NTRK1: variants seen among roughly 807,000 people sequenced by gnomAD.
NTRK1 encodes the protein high affinity nerve growth factor receptor.
In NTRK1, 62 loss-of-function variants were observed where a neutral mutation model predicts 86.8. That is an observed-to-expected ratio of 0.71 (90% CI 0.58 to 0.88). The LOEUF (loss-of-function observed/expected upper bound fraction) is 0.88. Among genes scored for constraint, NTRK1 ranks in the 40% least tolerant of loss-of-function variants. The pLI is 0.00. For synonymous variants in NTRK1, 469 were observed against 456.6 expected, an observed-to-expected ratio of 1.03 and a Z score of -0.35; for missense variants, 967 against 1,078.4, an observed-to-expected ratio of 0.90 and a Z score of 1.45.
chr1:156,848,770 G>A, intron 2 of NTRK1: 2 of 883,228 alleles, frequency 2.3e-6, no homozygotes, highest in Non-Finnish European at 3.4e-6. Context: ...AAGAGAGCCA[G>A]ACCTGGGCCC....
At chr1:156,849,015 C>A in intron 2 of NTRK1, 4 of 1,613,456 alleles carry the variant, frequency 2.5e-6, no homozygotes, top group Non-Finnish European at 3.4e-6. Flanking sequence ...GCCTCCGTCA[C>A]GTTGGACACG....
intron 3 of NTRK1, among the ~76,000 whole-genome samples, chr1:156,865,700 G>C (rs1655898739): frequency 6.6e-6 from 1 of 152,192 alleles, no homozygotes; most frequent in African/African-American, 2.4e-5. Flanking sequence ...CTGTAGGACA[G>C]AGAGGGTCAT....
chr1:156,815,827 C>T (rs767306706), exon 1 of NTRK1: 17 of 1,614,030 alleles, frequency 1.1e-5, no homozygotes, highest in Middle Eastern at 1.6e-4. Context: ...GGCAACTCGG[C>T]GCATGAAGGA....
chr1:156,879,178 C>T lies in NTRK1; in HGVS notation c.1862C>T (p.Pro621Leu), dbSNP rs2102924340. 6.2e-7 allele frequency: 1 copy of T among 1,613,198 alleles called. No homozygotes were observed. The highest frequency in any genetic ancestry group is 1.7e-5 in the Admixed American group (1 of 60,008). The stretch of plus-strand genomic sequence containing the variant: ...GGTGGGGAGGATGTGGCTCCAGGCC[C>T]CCTGGGTCTGGGGCAGCTGCTGGCC... ...LAGGEDVAPGPLGLGQLLAVA... is the reference protein window; with the variant it reads ...LAGGEDVAPGLLGLGQLLAVA... Residue 621 changes from proline (P) to leucine (L), a missense_variant, in exon 15 of 17, where the codon CCC becomes CTC. Pro to Leu is a moderately conservative substitution (Grantham distance 98). This residue lies in a region of NTRK1 where 637 missense variants were observed against 776.5 expected (regional missense o/e 0.82). Coordinates refer to ENST00000524377, the MANE Select transcript of NTRK1 (RefSeq NM_002529.4).
chr1:156,860,965 GGCTGGCACA>G lies in NTRK1; in HGVS notation c.37_45del (p.His13_Trp15del). On this transcript the variant is annotated inframe_deletion, in exon 1 of 17. Coordinates refer to ENST00000524377, the MANE Select transcript of NTRK1 (RefSeq NM_002529.4). Reference sequence around the variant, plus strand: ...GCGAGGCGGACGGCGCGGGCAGCTTGGCTGGCACAGCTGGGCTGCGGGGCCGGGCAGCCT... The same window carrying G: ...GCGAGGCGGACGGCGCGGGCAGCTTGGCTGGGCTGCGGGGCCGGGCAGCCT... 1 of 1,513,790 alleles carries G rather than the reference GGCTGGCACA, an allele frequency of 6.6e-7. No individual in the cohort carries two copies. Among genetic ancestry groups the G allele is most frequent in the Non-Finnish European group, 8.8e-7 (1 of 1,138,718 alleles). The allele number at this position is 1,513,790 out of a possible 1,614,324, so 93.8% of individuals were successfully genotyped here. A position where few individuals can be genotyped will look rare whatever the true frequency, so the allele number is the denominator to read the frequency against.
rs200179263 is a variant in NTRK1 at position 156,848,987 on chromosome 1, C to T, written c.50+6794C>T. ...CTCCAGTGGCTCATAGCGCTCCCAG[C>T]GTAGCAGGATGCGGTCTGCCTCCGT... On this transcript the variant is annotated intron_variant, in intron 2 of 16. Coordinates refer to the NTRK1 transcript ENST00000392302. 5 of 1,611,594 alleles carry T rather than the reference C, an allele frequency of 3.1e-6. No individual in the cohort carries two copies. The East Asian group carries it at 1.1e-4, about 36-fold the overall frequency.
At chr1:156,844,570 G>A in intron 2 of NTRK1, 1 of 1,614,198 alleles carries the variant, frequency 6.2e-7, no homozygotes, top group Non-Finnish European at 8.5e-7. Flanking sequence ...AGGGCCAGGT[G>A]GACTCCCCCA....
chr1:156,852,829 A>G (rs941568527), intron 2 of NTRK1, among the ~76,000 whole-genome samples: 16 of 152,142 alleles, frequency 1.1e-4, no homozygotes, highest in African/African-American at 3.9e-4. Flanking sequence ...AGCTGTGTTT[A>G]CAGCCAACAG....
At chr1:156,847,418 G>C (rs999028216) in intron 2 of NTRK1, among the ~76,000 whole-genome samples, 1 of 152,222 alleles carries the variant, frequency 6.6e-6, no homozygotes, top group Non-Finnish European at 1.5e-5. Flanking sequence ...GTAGAAGAGG[G>C]CTCCCTGGGG....
chr1:156,876,286 G>A (rs1385471343), intron 13 of NTRK1, 76 bp downstream of exon 13: 2 of 1,611,440 alleles, frequency 1.2e-6, no homozygotes, highest in Non-Finnish European at 1.7e-6. Flanking sequence ...GACAGAGTGG[G>A]GGGAGATGCA....
chr1:156,844,707 C>CGG (rs1654926893), intron 2 of NTRK1: 1 of 1,613,994 alleles, frequency 6.2e-7, no homozygotes, highest in Non-Finnish European at 8.5e-7. Context: ...GGGCACCTAC[C>CGG]TCTCCCAAGC....
At chr1:156,828,232 G>T (rs1334284072) in intron 1 of NTRK1, among the ~76,000 whole-genome samples, 2 of 152,196 alleles carry the variant, frequency 1.3e-5, no homozygotes, top group African/African-American at 4.8e-5. Flanking sequence ...TCAAAGATCA[G>T]CTGATTTACT....
At chr1:156,815,916 TG>T in intron 1 of NTRK1, 1 of 1,610,302 alleles carries the variant, frequency 6.2e-7, no homozygotes, top group Non-Finnish European at 8.5e-7. Flanking sequence ...TCTCTTGGAG[TG>T]GCCTTTGTCC....
In NTRK1 at chr1:156,874,195, G is replaced by A. The variant is rs1647751553; in HGVS notation, c.1178-188G>A. On this transcript the variant is annotated intron_variant, in intron 8 of 16. Coordinates refer to ENST00000524377, the MANE Select transcript of NTRK1 (RefSeq NM_002529.4). ...GCTGAGGAGACAGCCATGCAGCAGG[G>A]CATCCTGGCCCAGCTGGAAAAGGGT... 4 of 985,002 alleles carry A rather than the reference G, an allele frequency of 4.1e-6. No homozygotes were observed. In the South Asian group the frequency reaches 4.1e-5, roughly 10 times the overall value. The allele number at this position is 985,002 out of a possible 1,614,324, so 61.0% of individuals were successfully genotyped here. A position where few individuals can be genotyped will look rare whatever the true frequency, so the allele number is the denominator to read the frequency against.
At position 156,868,222 on chromosome 1, in the gene NTRK1, C is replaced by G. The variant is rs563804525; in HGVS notation, c.547C>G (p.Leu183Val). ...GCTGCAGTGTCATGGGCAAGGGCCC[C>G]TGGCCCACATGCCCAATGCCAGCTG... is the stretch of plus-strand genomic sequence containing the variant. ...QKLQCHGQGP[L>V]AHMPNASCGV... Residue 183 changes from leucine (L) to valine (V), a missense_variant, in exon 5 of 17, where the codon CTG becomes GTG. Around this residue, in one of 2 missense-constraint regions of NTRK1, gnomAD observed 330 missense variants for 302.0 expected, o/e 1.09. Coordinates refer to ENST00000524377, the MANE Select transcript of NTRK1 (RefSeq NM_002529.4). The G allele has an allele frequency of 3.7e-6, 6 of 1,611,916 alleles. No individual in the cohort carries two copies. In the South Asian group the frequency reaches 6.6e-5, roughly 18 times the overall value.
rs142014665 is a variant in NTRK1, at chr1:156,855,176, T to TTATCTATCTATCTATCTATCTATCTATC, written c.51-9170_51-9143dup. On this transcript the variant is annotated intron_variant, in intron 2 of 16. Transcript: ENST00000392302. ...TGAGGCCTTCTCTGACCATCCAATT[T>TTATCTATCTATCTATCTATCTATCTATC]TATCTATCTATCTATCTATCTATCT... Among the ~76,000 whole-genome samples the TTATCTATCTATCTATCTATCTATCTATC allele has an allele frequency of 6.6e-4, 95 of 143,580 alleles. 2 individuals carry two copies. Among genetic ancestry groups the TTATCTATCTATCTATCTATCTATCTATC allele is most frequent in the South Asian group, 1.4e-3 (6 of 4,214 alleles). The allele number at this position is 143,580 out of a possible 152,430, so 94.2% of individuals were successfully genotyped here.
At chr1:156,873,496 G>A in intron 7 of NTRK1, 137 bp from the exon 8 acceptor site, 1 of 689,034 alleles carries the variant, frequency 1.5e-6, no homozygotes, top group African/African-American at 1.8e-5. Flanking sequence ...AATTTCCCAG[G>A]GCCTGCTGAC....
At chr1:156,851,136 G>A (rs1179435669) in intron 2 of NTRK1, 3 of 792,712 alleles carry the variant, frequency 3.8e-6, no homozygotes, top group Non-Finnish European at 6.7e-6. Context: ...TTTTACAGAT[G>A]AGAAAACTGA....
chr1:156,826,293 CTTTTTTTT>C (rs386368405), intron 1 of NTRK1, among the ~76,000 whole-genome samples: 47 of 88,450 alleles, frequency 5.3e-4, no homozygotes, highest in African/African-American at 1.6e-3. Flanking sequence ...GACTTGAGCT[CTTTTTTTT>C]TTTTTTTTTT....
Sources: gnomAD v4.1 joint callset for allele counts (sites outside exome capture counted in the v4.1 genomes callset) on GRCh38, gnomAD v4.1.1 for gene constraint, gnomAD v4.1.1 regional missense constraint, MANE v1.5 for transcripts, NCBI Gene and HGNC (gene_info 2026-07-23, HGNC 2026-07-21) for gene names.